The following CEP43 variants were observed in gnomAD, a reference collection of about 807,000 sequenced individuals.
CEP43 encodes the protein centrosomal protein 43.
Under a neutral mutation model 52.6 loss-of-function variants are expected in CEP43, and 36 were observed. The ratio of observed to expected loss-of-function variants is 0.68; its 90% CI spans 0.52 to 0.90. The LOEUF is 0.90. Among genes scored for constraint, CEP43 ranks in the 40% least tolerant of loss-of-function variants. The probability of loss-of-function intolerance (pLI) is 0.00; values close to 1 mark genes in which losing one functional copy is unlikely to be tolerated. For missense variants in CEP43, 506 were observed against 472.8 expected, an observed-to-expected ratio of 1.07 and a Z score of -0.65; for synonymous variants, 192 against 172.4, an observed-to-expected ratio of 1.11 and a Z score of -0.89.
In CEP43 at chr6:167,043,293, T is replaced by G. The variant is rs1357612367; in HGVS notation, c.*3315T>G. 2 of 152,070 alleles carry G rather than the reference T, an allele frequency of 1.3e-5. No individual in the cohort carries two copies. The highest frequency in any genetic ancestry group is 2.9e-5 in the Non-Finnish European group (2 of 68,172). The allele number at this position is 152,070 out of a possible 1,614,324, so 9.4% of individuals were successfully genotyped here. Reference sequence around the variant, plus strand: ...CTCCTGTGGCATTGGGTGGGGAGGATTCCCGCCATCAGTTCTCTGTCCATG... The same window carrying G: ...CTCCTGTGGCATTGGGTGGGGAGGAGTCCCGCCATCAGTTCTCTGTCCATG... On this transcript the variant is annotated 3_prime_UTR_variant, in exon 13 of 13. Transcript: ENST00000366847.
At chr6:167,028,771 A>G (rs1780406551) in intron 10 of CEP43, among the ~76,000 whole-genome samples, 1 of 152,236 alleles carries the variant, frequency 6.6e-6, no homozygotes, top group Non-Finnish European at 1.5e-5. Flanking sequence ...TGCATCACAC[A>G]GAGCCCTCAC....
chr6:167,019,330 G>T (rs1419246966), intron 7 of CEP43, among the ~76,000 whole-genome samples: 1 of 151,990 alleles, frequency 6.6e-6, no homozygotes, highest in African/African-American at 2.4e-5. Flanking sequence ...GGGTACACCT[G>T]CTGTGTACAT....
Position 167,047,299 on chromosome 6 carries a change from G to T in CEP43, c.*7321G>T, listed in dbSNP as rs1390510165. On this transcript the variant is annotated 3_prime_UTR_variant, in exon 13 of 13. Transcript: ENST00000366847. ...GAGGTGCTGTCGGGGCAGCAGGCAC[G>T]TGCAGGAAAACGGAAAAGCAGAGTA... The T allele has an allele frequency of 6.6e-6, 1 of 152,396 alleles. No homozygotes were observed. The highest frequency in any genetic ancestry group is 1.9e-4 in the East Asian group (1 of 5,176). 9.4% of individuals were successfully genotyped at this position (152,396 alleles called of 1,614,324 possible).
intron 7 of CEP43, among the ~76,000 whole-genome samples, chr6:167,014,133 C>G (rs1351885139): frequency 2.0e-5 from 3 of 152,042 alleles, no homozygotes; most frequent in Non-Finnish European, 4.4e-5. Context: ...ACGTATTTTT[C>G]TTTTGAATGG....
At position 167,036,285 on chromosome 6, in the gene CEP43, C is replaced by A. The variant is rs115365988; in HGVS notation, c.1125+2314C>A. The A allele has an allele frequency of 1.4e-3, 1,344 of 985,370 alleles. 9 individuals are homozygous for A. The African/African-American group carries it at 0.022, about 16-fold the overall frequency. The allele number at this position is 985,370 out of a possible 1,614,324, so 61.0% of individuals were successfully genotyped here. On this transcript the variant is annotated intron_variant, in intron 12 of 12. Coordinates refer to ENST00000366847, the MANE Select transcript of CEP43 (RefSeq NM_007045.4). ...AGCTCCATGAGAACAGAAGGGAGAT[C>A]CCGGGACATGTCAGTGCTGCCCTGA...
chr6:167,021,856 C>T (rs950776679), intron 7 of CEP43, among the ~76,000 whole-genome samples: 5 of 152,164 alleles, frequency 3.3e-5, no homozygotes, highest in African/African-American at 9.7e-5. Flanking sequence ...GAAGGCAGCG[C>T]CTTTCACCTT....
chr6:167,042,129 A>C lies in CEP43; in HGVS notation c.*2151A>C. On this transcript the variant is annotated 3_prime_UTR_variant, in exon 13 of 13. Coordinates refer to ENST00000366847, the MANE Select transcript of CEP43 (RefSeq NM_007045.4). ...ACCGCACCTGGCCAGTACTACATCC[A>C]TTTTATTGAATGATTTTGAATGACT... is the stretch of plus-strand genomic sequence containing the variant. The C allele has an allele frequency of 2.0e-6, 2 of 1,009,198 alleles. No homozygotes were observed. The highest frequency in any genetic ancestry group is 2.4e-6 in the Non-Finnish European group (2 of 843,598). 62.5% of individuals were successfully genotyped at this position (1,009,198 alleles called of 1,614,324 possible).
At chr6:167,000,564 AG>A (rs1779711852) in intron 2 of CEP43, among the ~76,000 whole-genome samples, 2 of 152,224 alleles carry the variant, frequency 1.3e-5, no homozygotes, top group African/African-American at 4.8e-5. Flanking sequence ...TCTATATTTA[AG>A]TGGGTAATTT....
chr6:167,027,949 T>G (rs1034939414), intron 10 of CEP43: 1 of 985,944 alleles, frequency 1.0e-6, no homozygotes, highest in Non-Finnish European at 1.2e-6. Context: ...CTGGTTGTGC[T>G]GCCATCTGCT....
chr6:167,021,198 T>C (rs1894603), intron 7 of CEP43, among the ~76,000 whole-genome samples: 63,883 of 152,070 alleles, frequency 0.42, 13,666 homozygotes, highest in Non-Finnish European at 0.47. Context: ...CTCTTTAGTA[T>C]GCAAGGCTGA....
At chr6:167,003,078 G>A in intron 2 of CEP43, 115 bp from the exon 3 acceptor site, 1 of 536,060 alleles carries the variant, frequency 1.9e-6, no homozygotes, top group South Asian at 2.7e-5. Flanking sequence ...GTAATTAACA[G>A]TTGTAGAATG....
intron 10 of CEP43, among the ~76,000 whole-genome samples, chr6:167,030,333 G>A (rs1477967459): frequency 6.6e-6 from 1 of 152,214 alleles, no homozygotes; most frequent in Admixed American, 6.5e-5. Context: ...CATTTTAGTA[G>A]CTGCCACTCC....
chr6:167,013,368 A>AT, intron 6 of CEP43, 140 bp from the exon 7 acceptor site: 2 of 610,770 alleles, frequency 3.3e-6, no homozygotes, highest in Non-Finnish European at 2.9e-6. Flanking sequence ...GACCAAAAAA[A>AT]GCAGGCCTCA....
rs1364173245 is a variant in CEP43, at chr6:167,048,506, A to G, written c.*8528A>G. On this transcript the variant is annotated 3_prime_UTR_variant, in exon 13 of 13. Coordinates refer to ENST00000366847, the MANE Select transcript of CEP43 (RefSeq NM_007045.4). ...CAGTGAACTGAGATTGCATCACTGC[A>G]CTACAGCCTGGGTGACAGAGTAAGA... The G allele has an allele frequency of 6.6e-6, 1 of 152,224 alleles. No homozygotes were observed. Among genetic ancestry groups the G allele is most frequent in the African/African-American group, 2.4e-5 (1 of 41,446 alleles). The allele number at this position is 152,224 out of a possible 1,614,324, so 9.4% of individuals were successfully genotyped here. A position where few individuals can be genotyped will look rare whatever the true frequency, so the allele number is the denominator to read the frequency against.
At position 166,999,463 on chromosome 6, in the gene CEP43, G is replaced by T; in HGVS notation, c.51G>T (p.Arg17=). 6.7e-7 allele frequency: 1 copy of T among 1,484,926 alleles called. No individual in the cohort carries two copies. The highest frequency in any genetic ancestry group is 1.5e-5 in the African/African-American group (1 of 68,572). 92.0% of individuals were successfully genotyped at this position (1,484,926 alleles called of 1,614,324 possible). A position where few individuals can be genotyped will look rare whatever the true frequency, so the allele number is the denominator to read the frequency against. The change falls in exon 1 of 13, where the codon CGG becomes CGT. Residue 17 remains arginine (R), a synonymous_variant. Coordinates refer to ENST00000366847, the MANE Select transcript of CEP43 (RefSeq NM_007045.4). ...TGGCCGAGGAGGACACGGAGCTGCG[G>T]GACCTGCTGGTGCAGACGCTGGAGA... The part of the protein sequence containing the change: ...AVVAEEDTEL[R]DLLVQTLENS...
In CEP43 at chr6:167,051,686, A is replaced by C. The variant is rs567731499; in HGVS notation, c.*11708A>C. Reference sequence around the variant, plus strand: ...TGGTATTGTAATCACTGTAAAATACACTATTATCATTGTAAAATATTCCTT... The same window carrying C: ...TGGTATTGTAATCACTGTAAAATACCCTATTATCATTGTAAAATATTCCTT... On this transcript the variant is annotated 3_prime_UTR_variant, in exon 13 of 13. Transcript: ENST00000366847. 1.3e-5 allele frequency: 2 copies of C among 152,234 alleles called. No individual in the cohort carries two copies. Among genetic ancestry groups the C allele is most frequent in the Admixed American group, 6.5e-5 (1 of 15,282 alleles). The allele number at this position is 152,234 out of a possible 1,614,324, so 9.4% of individuals were successfully genotyped here.
In CEP43 at chr6:167,004,282, C is replaced by T. The variant is rs868230727; in HGVS notation, c.319C>T (p.Arg107Ter). ...ETSTLQGLEG[R>*]ENLARDLGII... Reference sequence around the variant, plus strand: ...TTTCTAGCTGCAAGGTCTCGAAGGTCGAGAGAATTTAGCCCGAGATTTAGG... The same window carrying T: ...TTTCTAGCTGCAAGGTCTCGAAGGTTGAGAGAATTTAGCCCGAGATTTAGG... Residue 107 changes from arginine (R) to a stop codon, truncating the protein, a stop_gained, in exon 5 of 13, where the codon CGA becomes TGA. Transcript: ENST00000366847. LOFTEE classifies it high-confidence loss of function. The T allele has an allele frequency of 6.2e-7, 1 of 1,603,234 alleles. No individual in the cohort carries two copies. The highest frequency in any genetic ancestry group is 8.5e-7 in the Non-Finnish European group (1 of 1,175,336).
intron 7 of CEP43, among the ~76,000 whole-genome samples, chr6:167,016,361 GC>G (rs1209430777): frequency 2.0e-5 from 3 of 152,142 alleles, no homozygotes; most frequent in African/African-American, 7.2e-5. Flanking sequence ...GGGGTCAAGT[GC>G]CCACTTCAGC....
At position 167,045,358 on chromosome 6, in the gene CEP43, C is replaced by CA. The variant is rs1353281222; in HGVS notation, c.*5380_*5381insA. The CA allele has an allele frequency of 6.2e-5, 8 of 129,852 alleles. No homozygotes were observed. Among genetic ancestry groups the CA allele is most frequent in the African/African-American group, 7.7e-5 (3 of 39,154 alleles). 8.0% of individuals were successfully genotyped at this position (129,852 alleles called of 1,614,324 possible). A position where few individuals can be genotyped will look rare whatever the true frequency, so the allele number is the denominator to read the frequency against. ...ACCTATGGTGATCCGCACCCCTCCC[C>CA]GCCCCCCCCGCGGCCCAGCCTCCCA... On this transcript the variant is annotated 3_prime_UTR_variant, in exon 13 of 13. Coordinates refer to ENST00000366847, the MANE Select transcript of CEP43 (RefSeq NM_007045.4).
Sources: allele counts gnomAD v4.1 joint callset (sites outside exome capture counted in the v4.1 genomes callset), GRCh38; gene constraint gnomAD v4.1.1; transcripts MANE v1.5; gene names NCBI Gene and HGNC (gene_info 2026-07-23, HGNC 2026-07-21).